Variants in IST1 observed in about 807,000 individuals in gnomAD.
The protein encoded by IST1 is IST1 homolog.
A neutral mutation model predicts 37.0 loss-of-function variants in IST1; 23 were observed. That is an observed-to-expected ratio of 0.62 (90% CI 0.45 to 0.88). IST1 has a LOEUF of 0.88. IST1 is among the 40% of genes least tolerant of loss of function. The probability of loss-of-function intolerance (pLI) is 0.00; values close to 1 mark genes in which losing one functional copy is unlikely to be tolerated. For missense variants in IST1, 488 were observed against 445.4 expected (o/e 1.10, Z -0.86); for synonymous variants, 180 against 161.7 (o/e 1.11, Z -0.86).
intron 1 of IST1, among the ~76,000 whole-genome samples, chr16:71,911,068 C>T (rs902856680): frequency 5.3e-5 from 8 of 151,916 alleles, no homozygotes; most frequent in Admixed American, 1.3e-4. Context: ...GGTGAAACCC[C>T]GTCTCTACTA....
chr16:71,930,076 A>C lies in IST1; in HGVS notation c.*2263A>C. 1 of 1,549,946 alleles carries C rather than the reference A, an allele frequency of 6.5e-7. No individual in the cohort carries two copies. Among genetic ancestry groups the C allele is most frequent in the East Asian group, 2.4e-5 (1 of 40,914 alleles). Reference sequence around the variant, plus strand: ...CCTTAAGCGACTTTCTTTCTTTTCCAAAGGCCATGAGAATGGCCGAAACGA... The same window carrying C: ...CCTTAAGCGACTTTCTTTCTTTTCCCAAGGCCATGAGAATGGCCGAAACGA... On this transcript the variant is annotated 3_prime_UTR_variant, in exon 10 of 10. Transcript: ENST00000378799.
intron 5 of IST1, 185 bp downstream of exon 5, chr16:71,921,007 G>T: frequency 1.6e-6 from 1 of 642,882 alleles, no homozygotes; most frequent in Non-Finnish European, 2.8e-6. Context: ...AATTCCTCTG[G>T]TTACTGTCAT....
intron 9 of IST1, among the ~76,000 whole-genome samples, 164 bp from the exon 10 acceptor site, chr16:71,927,450 C>G (rs1664343001): frequency 6.7e-6 from 1 of 150,214 alleles, no homozygotes; most frequent in Non-Finnish European, 1.5e-5. Flanking sequence ...ATCACGCCAA[C>G]TGCACTCCAG....
Position 71,895,572 on chromosome 16 carries a change from A to G in IST1, c.-33A>G. The G allele has an allele frequency of 1.0e-6, 1 of 985,368 alleles. No individual in the cohort carries two copies. Among genetic ancestry groups the G allele is most frequent in the Non-Finnish European group, 1.2e-6 (1 of 829,824 alleles). 61.0% of individuals were successfully genotyped at this position (985,368 alleles called of 1,614,324 possible). A position where few individuals can be genotyped will look rare whatever the true frequency, so the allele number is the denominator to read the frequency against. On this transcript the variant is annotated 5_prime_UTR_variant, in exon 1 of 10. Coordinates refer to ENST00000378799, the MANE Select transcript of IST1 (RefSeq NM_001270975.2). Reference sequence around the variant, plus strand: ...CCTGAAGTCGGTGTCTGCTGCGTTCACGGCAGGATTCGGTTAGGTGAGTGT... The same window carrying G: ...CCTGAAGTCGGTGTCTGCTGCGTTCGCGGCAGGATTCGGTTAGGTGAGTGT...
chr16:71,898,806 G>T (rs535348124), intron 1 of IST1, among the ~76,000 whole-genome samples: 1 of 151,280 alleles, frequency 6.6e-6, no homozygotes. Context: ...GCGAAACCTC[G>T]TCGCTACTAA....
In IST1 at chr16:71,929,514, T is replaced by G; in HGVS notation, c.*1701T>G. 2.0e-6 allele frequency: 3 copies of G among 1,537,864 alleles called. No individual in the cohort carries two copies. The highest frequency in any genetic ancestry group is 1.8e-6 in the Non-Finnish European group (2 of 1,142,474). The stretch of plus-strand genomic sequence containing the variant: ...TAAGTAGTAATACGCTAATAAATAC[T>G]AAGCCAAGTAGGAGATAACAGGATT... On this transcript the variant is annotated 3_prime_UTR_variant, in exon 10 of 10. Transcript: ENST00000378799.
chr16:71,930,290 C>T lies in IST1; in HGVS notation c.*2477C>T, dbSNP rs776062217. 24 of 1,178,818 alleles carry T rather than the reference C, an allele frequency of 2.0e-5. No individual in the cohort carries two copies. In the South Asian group the frequency reaches 2.1e-4, roughly 10 times the overall value. The allele number at this position is 1,178,818 out of a possible 1,614,324, so 73.0% of individuals were successfully genotyped here. A position where few individuals can be genotyped will look rare whatever the true frequency, so the allele number is the denominator to read the frequency against. On this transcript the variant is annotated 3_prime_UTR_variant, in exon 10 of 10. Coordinates refer to ENST00000378799, the MANE Select transcript of IST1 (RefSeq NM_001270975.2). ...GATCTTATCAGAAGAAAAGCTTATC[C>T]GAAGGAAACTTAGGGAGAGAGTCAA... is the stretch of plus-strand genomic sequence containing the variant.
chr16:71,898,050 C>T (rs759285808), intron 1 of IST1, among the ~76,000 whole-genome samples: 4 of 151,946 alleles, frequency 2.6e-5, no homozygotes, highest in South Asian at 4.1e-4. Flanking sequence ...TTGCTCAGTC[C>T]ATGAGTATAG....
At chr16:71,923,196 A>G (rs2037650569) in intron 7 of IST1, 92 bp from the exon 8 acceptor site, 1 of 649,014 alleles carries the variant, frequency 1.5e-6, no homozygotes, top group Non-Finnish European at 2.7e-6. Context: ...GTATGAGAAT[A>G]TAAATGTATT....
intron 1 of IST1, among the ~76,000 whole-genome samples, chr16:71,909,092 T>C (rs1321068940): frequency 7.2e-6 from 1 of 139,604 alleles, no homozygotes; most frequent in African/African-American, 2.8e-5. Flanking sequence ...AAATTTTGTT[T>C]GTCTTTTTTT....
At chr16:71,895,657 G>A in intron 1 of IST1, 68 bp downstream of exon 1, 1 of 660,218 alleles carries the variant, frequency 1.5e-6, no homozygotes, top group Non-Finnish European at 1.9e-6. Context: ...TGATTTAGCG[G>A]TCTCTAGTTA....
intron 1 of IST1, among the ~76,000 whole-genome samples, chr16:71,909,176 T>G (rs540984268): frequency 2.5e-4 from 37 of 149,962 alleles, no homozygotes; most frequent in Admixed American, 1.4e-3. Context: ...CATAGCTCTC[T>G]GTTGCCTCCT....
In IST1 at chr16:71,898,771, G is replaced by A. The variant is rs180790155; in HGVS notation, c.-16+3182G>A. On this transcript the variant is annotated intron_variant, in intron 1 of 9. Coordinates refer to ENST00000378799, the MANE Select transcript of IST1 (RefSeq NM_001270975.2). ...AGGCGGGCAGATCAGGACATCAGGC[G>A]TTGGAGACCAGCCTGGTCAACATGG... 5.2e-3 allele frequency among the ~76,000 whole-genome samples: 797 copies of A among 151,930 alleles called. 4 individuals are homozygous for A. Among genetic ancestry groups the A allele is most frequent in the African/African-American group, 0.018 (761 of 41,462 alleles).
At chr16:71,894,795 A>C (rs2036929830), upstream of IST1, 5 of 1,511,454 alleles carry the variant, frequency 3.3e-6, no homozygotes, top group Non-Finnish European at 3.5e-6. Flanking sequence ...CCCGCCTCTC[A>C]AAGTGCTGGG....
chr16:71,908,474 A>G (rs1018726901), intron 1 of IST1, among the ~76,000 whole-genome samples: 1 of 149,242 alleles, frequency 6.7e-6, no homozygotes, highest in Non-Finnish European at 1.5e-5. Context: ...TAATTTTTGT[A>G]TTTTTCATAG....
chr16:71,929,570 T>C lies in IST1; in HGVS notation c.*1757T>C. ...AGTTCATCTAAAACTTCAGTGTCAC[T>C]GCCCACTGCTGTCGTGGCTGCTTGC... On this transcript the variant is annotated 3_prime_UTR_variant, in exon 10 of 10. Transcript: ENST00000378799. 6.4e-7 allele frequency: 1 copy of C among 1,551,332 alleles called. No homozygotes were observed. The highest frequency in any genetic ancestry group is 2.0e-5 in the Admixed American group (1 of 50,840).
chr16:71,921,438 T>G lies in IST1; in HGVS notation c.537T>G (p.Pro179=). ...IAKNYNVPYE[P]DSVVMAEAPP... ...AGAATTACAACGTACCCTATGAACCTGACTCTGTGGTCATGGTAAGTTTAT... is the reference window on the plus strand; with the variant it reads ...AGAATTACAACGTACCCTATGAACCGGACTCTGTGGTCATGGTAAGTTTAT... Residue 179 remains proline, a synonymous_variant, in exon 6 of 10, where the codon CCT becomes CCG. Transcript: ENST00000378799. 6.2e-7 allele frequency: 1 copy of G among 1,604,440 alleles called. No individual in the cohort carries two copies. The highest frequency in any genetic ancestry group is 1.1e-5 in the South Asian group (1 of 90,920).
upstream of IST1, chr16:71,895,448 A>G (rs1226288053): frequency 2.2e-5 from 20 of 891,138 alleles, no homozygotes; most frequent in Non-Finnish European, 2.3e-5. Flanking sequence ...CGCGCAGCCA[A>G]TCCCTGGAAA....
intron 1 of IST1, among the ~76,000 whole-genome samples, chr16:71,908,016 T>C (rs939803091): frequency 1.3e-5 from 2 of 151,972 alleles, no homozygotes; most frequent in Non-Finnish European, 1.5e-5. Context: ...GTGATCTCAG[T>C]CCACTTCACC....
Sources: gnomAD v4.1 joint callset for allele counts (sites outside exome capture counted in the v4.1 genomes callset) on GRCh38, gnomAD v4.1.1 for gene constraint, MANE v1.5 for transcripts, NCBI Gene and HGNC (gene_info 2026-07-23, HGNC 2026-07-21) for gene names.